C13orf46: variants seen among roughly 807,000 people sequenced by gnomAD.
C13orf46 encodes the protein uncharacterized protein C13orf46.
Position 113,955,971 on chromosome 13 carries a change from G to A in C13orf46, c.*802C>T, listed in dbSNP as rs1452041209. On this transcript the variant is annotated 3_prime_UTR_variant, in exon 7 of 7. Transcript: ENST00000636427. ...GCGGAGACGAGGAGGAGCATCTGGCGGAGACGAGGAGTAGGATCTGGCAGA... is the reference window on the plus strand; with the variant it reads ...GCGGAGACGAGGAGGAGCATCTGGCAGAGACGAGGAGTAGGATCTGGCAGA... The A allele has an allele frequency of 1.0e-4, 16 of 156,748 alleles. No homozygotes were observed. Among genetic ancestry groups the A allele is most frequent in the South Asian group, 4.8e-4 (3 of 6,238 alleles). The allele number at this position is 156,748 out of a possible 1,614,324, so 9.7% of individuals were successfully genotyped here.
At chr13:113,967,417 T>A (rs1054561163) in intron 4 of C13orf46, 29 bp from the exon 5 acceptor site, 3 of 152,286 alleles carry the variant, frequency 2.0e-5, no homozygotes, top group African/African-American at 7.2e-5. Flanking sequence ...GAGGTGTGGA[T>A]GGCAGGCTTG....
rs1161418121 is a variant in C13orf46 at position 113,954,891 on chromosome 13, CGAG to C, written c.*1879_*1881del. On this transcript the variant is annotated 3_prime_UTR_variant, in exon 7 of 7. Coordinates refer to ENST00000636427, the MANE Select transcript of C13orf46 (RefSeq NM_001365455.2). ...GGGGAGGAGGAGCATCTGGCAGAGACGAGGAGCATCTGGCGGAGACGAGGAGGA... is the reference window on the plus strand; with the variant it reads ...GGGGAGGAGGAGCATCTGGCAGAGACGAGCATCTGGCGGAGACGAGGAGGA... The C allele has an allele frequency of 5.9e-6, 1 of 169,290 alleles. No homozygotes were observed. The highest frequency in any genetic ancestry group is 2.0e-4 in the East Asian group (1 of 4,984). The allele number at this position is 169,290 out of a possible 1,614,324, so 10.5% of individuals were successfully genotyped here.
intron 1 of C13orf46, among the ~76,000 whole-genome samples, chr13:113,971,630 C>A (rs1594256598): frequency 6.6e-6 from 1 of 152,352 alleles, no homozygotes; most frequent in South Asian, 2.1e-4. Context: ...ACTGGTGCCC[C>A]CGTGAAGTCG....
chr13:113,969,085 G>A (rs1397162330), intron 2 of C13orf46, among the ~76,000 whole-genome samples: 2 of 152,266 alleles, frequency 1.3e-5, no homozygotes, highest in Non-Finnish European at 2.9e-5. Flanking sequence ...ATGAGAAGAT[G>A]CAGCCACCCT....
intron 6 of C13orf46, 23 bp downstream of exon 6, chr13:113,964,904 G>A (rs2052621525): frequency 6.6e-6 from 1 of 152,244 alleles, no homozygotes; most frequent in Non-Finnish European, 1.5e-5. Flanking sequence ...CCCACCTAGT[G>A]TGAGCCCACA....
chr13:113,967,727 G>T (rs2052664131), intron 4 of C13orf46, among the ~76,000 whole-genome samples: 1 of 152,176 alleles, frequency 6.6e-6, no homozygotes, highest in African/African-American at 2.4e-5. Context: ...TCCAGGAGAT[G>T]GGGCAATGCC....
chr13:113,944,629 G>A, the C13orf46 span, among the ~76,000 whole-genome samples: 3 of 143,224 alleles, frequency 2.1e-5, no homozygotes, highest in Admixed American at 6.9e-5. Context: ...TGTGTGATGG[G>A]CCCTCCAGGT....
In C13orf46 at chr13:113,967,844, AC is replaced by A. The variant is rs1186075296; in HGVS notation, c.457-457del. ...CACACTCCACACCAAGGAGCAGGAG[AC>A]CCCCCCCGGGATGTGAACGGCTTCA... On this transcript the variant is annotated intron_variant, in intron 4 of 6. Coordinates refer to ENST00000636427, the MANE Select transcript of C13orf46 (RefSeq NM_001365455.2). 6.7e-5 allele frequency among the ~76,000 whole-genome samples: 10 copies of A among 149,818 alleles called. No individual in the cohort carries two copies. In the South Asian group the frequency reaches 1.1e-3, roughly 16 times the overall value.
the C13orf46 span, among the ~76,000 whole-genome samples, chr13:113,938,234 T>A: frequency 2.0e-5 from 3 of 152,210 alleles, no homozygotes; most frequent in Non-Finnish European, 2.9e-5. Context: ...CTTTTCTCAA[T>A]AGTGAGTCTA....
rs190674608 is a variant in C13orf46 at position 113,973,041 on chromosome 13, G to A, written c.190+767C>T. ...CAGGGCAGCGGGAGGCAGGAGGCCC[G>A]GCCCGGTCCCTGCTGCCGGTGGAAG... On this transcript the variant is annotated intron_variant, in intron 1 of 6. Coordinates refer to ENST00000636427, the MANE Select transcript of C13orf46 (RefSeq NM_001365455.2). Among the ~76,000 whole-genome samples the A allele has an allele frequency of 2.1e-3, 314 of 152,342 alleles. 2 individuals carry two copies. The highest frequency in any genetic ancestry group is 7.3e-3 in the African/African-American group (302 of 41,576).
the C13orf46 span, among the ~76,000 whole-genome samples, chr13:113,948,521 C>G: frequency 6.6e-6 from 1 of 152,322 alleles, no homozygotes; most frequent in African/African-American, 2.4e-5. Context: ...ACTGACACTG[C>G]CCAGAAACTG....
chr13:113,952,954 C>T (rs1268839157), downstream of C13orf46, among the ~76,000 whole-genome samples: 8 of 152,192 alleles, frequency 5.3e-5, no homozygotes, highest in Non-Finnish European at 7.3e-5. Flanking sequence ...TCGGGCTCTG[C>T]GGCGCGTAGA....
chr13:113,970,119 C>G (rs2052688507), intron 2 of C13orf46, 52 bp downstream of exon 2: 1 of 152,384 alleles, frequency 6.6e-6, no homozygotes, highest in African/African-American at 2.4e-5. Context: ...GTGTCCACCT[C>G]ACTTTTCCCA....
the C13orf46 span, among the ~76,000 whole-genome samples, chr13:113,940,529 G>A: frequency 3.6e-3 from 298 of 82,176 alleles, no homozygotes; most frequent in Middle Eastern, 0.014. Context: ...GAGGCTGAGC[G>A]TTCGAGACCC....
chr13:113,954,184 C>T lies in C13orf46; in HGVS notation c.*2589G>A, dbSNP rs1438617486. The T allele has an allele frequency of 2.0e-5, 3 of 152,220 alleles. No individual in the cohort carries two copies. The highest frequency in any genetic ancestry group is 4.4e-5 in the Non-Finnish European group (3 of 68,044). 9.4% of individuals were successfully genotyped at this position (152,220 alleles called of 1,614,324 possible). A position where few individuals can be genotyped will look rare whatever the true frequency, so the allele number is the denominator to read the frequency against. On this transcript the variant is annotated 3_prime_UTR_variant, in exon 7 of 7. Transcript: ENST00000636427. ...TTATCATGTGCACCACAGGGACGGC[C>T]CCCATGTGTCTCCACGGGAATAGAC... is the stretch of plus-strand genomic sequence containing the variant.
At chr13:113,933,737 T>C in the C13orf46 span, among the ~76,000 whole-genome samples, 1 of 152,332 alleles carries the variant, frequency 6.6e-6, no homozygotes, top group East Asian at 1.9e-4. Context: ...ATTTTAGCTT[T>C]GCATTTTGAG....
At chr13:113,962,466 C>T (rs1398377202) in intron 6 of C13orf46, among the ~76,000 whole-genome samples, 9 of 152,342 alleles carry the variant, frequency 5.9e-5, no homozygotes, top group South Asian at 4.1e-4. Flanking sequence ...CAAGTGTGCA[C>T]GTGAGCTGAT....
At chr13:113,970,005 TC>T (rs1197916962) in intron 2 of C13orf46, among the ~76,000 whole-genome samples, 165 bp downstream of exon 2, 1 of 152,070 alleles carries the variant, frequency 6.6e-6, no homozygotes, top group Non-Finnish European at 1.5e-5. Flanking sequence ...AGCCCTCCCA[TC>T]CAGGCCCTGC....
At chr13:113,945,605 G>GAAAGAAGAAAGA in the C13orf46 span, among the ~76,000 whole-genome samples, 2 of 93,708 alleles carry the variant, frequency 2.1e-5, no homozygotes, top group East Asian at 2.8e-4. Context: ...AAGAAAGAAA[G>GAAAGAAGAAAGA]AAGAAAGAAA....
Sources: allele counts gnomAD v4.1 joint callset (sites outside exome capture counted in the v4.1 genomes callset), GRCh38; gene constraint gnomAD v4.1.1; transcripts MANE v1.5; gene names NCBI Gene and HGNC (gene_info 2026-07-23, HGNC 2026-07-21).